The following VPS13D variants were observed in gnomAD, a reference collection of about 807,000 sequenced individuals.
VPS13D encodes the protein vacuolar protein sorting 13 homolog D.
In VPS13D, 187 loss-of-function variants were observed where a neutral mutation model predicts 461.9. That is an observed-to-expected ratio of 0.40 (90% CI 0.36 to 0.46). The LOEUF is 0.46. Among genes scored for constraint, VPS13D ranks in the 20% least tolerant of loss-of-function variants. The probability of loss-of-function intolerance (pLI) is 0.60; values close to 1 mark genes in which losing one functional copy is unlikely to be tolerated. For synonymous variants in VPS13D, 1,951 were observed against 1,986.3 expected, an observed-to-expected ratio of 0.98 and a Z score of 0.47; for missense variants, 4,711 against 5,364.9, an observed-to-expected ratio of 0.88 and a Z score of 3.81.
intron 6 of VPS13D, 175 bp downstream of exon 6, chr1:12,249,514 A>G (rs1640667054): frequency 2.1e-6 from 1 of 486,774 alleles, no homozygotes; most frequent in Admixed American, 4.0e-5. Flanking sequence ...TGAAATAGGG[A>G]AACAGGTAAT....
At chr1:12,355,805 TGG>T in intron 47 of VPS13D, 92 bp from the exon 48 acceptor site, 1 of 1,293,498 alleles carries the variant, frequency 7.7e-7, no homozygotes, top group Admixed American at 3.0e-5. Context: ...ACTTAGTTAT[TGG>T]TTTTTCCAAA....
intron 34 of VPS13D, among the ~76,000 whole-genome samples, chr1:12,323,339 G>A (rs895483481): frequency 6.6e-6 from 1 of 151,992 alleles, no homozygotes; most frequent in African/African-American, 2.4e-5. Context: ...GCCTCCCAAA[G>A]TATTGGGATT....
At chr1:12,503,363 T>A (rs923468367) in intron 68 of VPS13D, among the ~76,000 whole-genome samples, 2 of 151,822 alleles carry the variant, frequency 1.3e-5, no homozygotes, top group African/African-American at 4.8e-5. Context: ...TTTTTTTTTT[T>A]AATAGAGATG....
intron 9 of VPS13D, among the ~76,000 whole-genome samples, chr1:12,257,412 T>A (rs1310348073): frequency 6.6e-6 from 1 of 152,228 alleles, no homozygotes; most frequent in Non-Finnish European, 1.5e-5. Flanking sequence ...TGAACCTACT[T>A]CCCTGTGTTT....
chr1:12,400,643 G>C (rs1284812605), intron 61 of VPS13D, among the ~76,000 whole-genome samples: 1 of 152,078 alleles, frequency 6.6e-6, no homozygotes, highest in Non-Finnish European at 1.5e-5. Flanking sequence ...GCATGATCCA[G>C]ATCTATTATT....
chr1:12,483,763 GC>G (rs1645755671), intron 67 of VPS13D, among the ~76,000 whole-genome samples: 1 of 151,824 alleles, frequency 6.6e-6, no homozygotes, highest in Admixed American at 6.6e-5. Context: ...ACTTTGGGAG[GC>G]CGAGGTGGGC....
At chr1:12,389,962 G>A (rs1473862625) in intron 60 of VPS13D, among the ~76,000 whole-genome samples, 3 of 152,168 alleles carry the variant, frequency 2.0e-5, no homozygotes, top group Non-Finnish European at 4.4e-5. Flanking sequence ...GATAATCTGG[G>A]TCAGTCACCC....
In VPS13D at chr1:12,385,279, G is replaced by T. The variant is rs1021386570; in HGVS notation, c.11390G>T (p.Arg3797Leu). Residue 3797 changes from arginine (R) to leucine (L), a missense_variant, in exon 59 of 70, where the codon CGG becomes CTG. Arg to Leu is a moderately radical substitution (Grantham distance 102). This residue lies in a region of VPS13D where 4,411 missense variants were observed against 4,937.8 expected (regional missense o/e 0.89). Transcript: ENST00000620676. ...CTTCAGATAACAGATTTCTGCCACC[G>T]GAAAAGCAGCCGTTCATATGAAGTG... is the stretch of plus-strand genomic sequence containing the variant. ...RALQITDFCH[R>L]KSSRSYEVDE... 2 of 1,613,412 alleles carry T rather than the reference G, an allele frequency of 1.2e-6. No individual in the cohort carries two copies. The highest frequency in any genetic ancestry group is 2.2e-5 in the South Asian group (2 of 90,882).
chr1:12,252,197 C>T (rs1291745297), intron 6 of VPS13D, among the ~76,000 whole-genome samples: 3 of 152,112 alleles, frequency 2.0e-5, no homozygotes, highest in Non-Finnish European at 4.4e-5. Context: ...GTTACATACA[C>T]GCTTCTGTGT....
intron 36 of VPS13D, among the ~76,000 whole-genome samples, chr1:12,329,060 G>C (rs1643264139): frequency 6.6e-6 from 1 of 152,064 alleles, no homozygotes; most frequent in African/African-American, 2.4e-5. Flanking sequence ...AATTTTGACT[G>C]TTTTGATGAA....
intron 26 of VPS13D, among the ~76,000 whole-genome samples, chr1:12,305,815 G>T (rs1185816865): frequency 6.6e-6 from 1 of 152,164 alleles, no homozygotes. Context: ...TCCTAGAGGT[G>T]ACAGGAAAGT....
chr1:12,259,961 G>A (rs1292470129), intron 10 of VPS13D, among the ~76,000 whole-genome samples: 5 of 151,668 alleles, frequency 3.3e-5, no homozygotes, highest in East Asian at 1.9e-4. Flanking sequence ...CTTTGTAAAC[G>A]GGGTCAGTGC....
chr1:12,488,155 CCAGATA>C (rs1480865813), intron 67 of VPS13D, among the ~76,000 whole-genome samples: 1 of 152,158 alleles, frequency 6.6e-6, no homozygotes, highest in Non-Finnish European at 1.5e-5. Flanking sequence ...GGTGCTCCGT[CCAGATA>C]CAATTTTAAA....
At chr1:12,369,407 A>G (rs1644085976) in intron 53 of VPS13D, 60 bp from the exon 54 acceptor site, 3 of 1,507,030 alleles carry the variant, frequency 2.0e-6, no homozygotes, top group East Asian at 2.3e-5. Flanking sequence ...GCACTGACTC[A>G]CTTTTCAGTA....
chr1:12,327,752 C>T lies in VPS13D; in HGVS notation c.8095C>T (p.Pro2699Ser). The T allele has an allele frequency of 1.9e-6, 3 of 1,614,104 alleles. No individual in the cohort carries two copies. Among genetic ancestry groups the T allele is most frequent in the Non-Finnish European group, 2.5e-6 (3 of 1,180,018 alleles). ...AGATAGCCCAGGGGCTGTGGCAGCG[C>T]CATTGATCTCTGGCGTGGAGATCAA... ...SRDSPGAVAA[P>S]LISGVEIKAE... The change falls in exon 36 of 70, where the codon CCA becomes TCA. Residue 2699 changes from proline (P) to serine (S), a missense_variant. This residue lies in a region of VPS13D where 4,411 missense variants were observed against 4,937.8 expected (regional missense o/e 0.89). Transcript: ENST00000620676.
intron 60 of VPS13D, among the ~76,000 whole-genome samples, chr1:12,388,600 A>G (rs1644380428): frequency 6.6e-6 from 1 of 151,874 alleles, no homozygotes. Context: ...AAAAGAAATC[A>G]TAAAAAAATA....
chr1:12,310,917 C>CCCTCCCTCTCTCCT (rs1557701468), intron 27 of VPS13D, among the ~76,000 whole-genome samples: 5 of 111,710 alleles, frequency 4.5e-5, no homozygotes, highest in African/African-American at 9.0e-5. Flanking sequence ...CCTTCCCTCC[C>CCCTCCCTCTCTCCT]TCTCTCCCTC....
At chr1:12,486,644 C>T (rs192462359) in intron 67 of VPS13D, among the ~76,000 whole-genome samples, 2 of 152,344 alleles carry the variant, frequency 1.3e-5, no homozygotes, top group South Asian at 2.1e-4. Flanking sequence ...GTGTCCCCCC[C>T]ACGTTGGAAT....
Position 12,318,016 on chromosome 1 carries a change from T to C in VPS13D, c.7149-56T>C. 3 of 1,539,036 alleles carry C rather than the reference T, an allele frequency of 1.9e-6. No homozygotes were observed. In the East Asian group the frequency reaches 6.8e-5, roughly 35 times the overall value. ...AACTGAGCAGTACATTTGCAGGTTA[T>C]TGAAATAACCATGTTTCTTTTTTCC... On this transcript the variant is annotated intron_variant, in intron 30 of 69. Coordinates refer to ENST00000620676, the MANE Select transcript of VPS13D (RefSeq NM_015378.4).
Sources: gnomAD v4.1 joint callset for allele counts (sites outside exome capture counted in the v4.1 genomes callset) on GRCh38, gnomAD v4.1.1 for gene constraint, gnomAD v4.1.1 regional missense constraint, MANE v1.5 for transcripts, NCBI Gene and HGNC (gene_info 2026-07-23, HGNC 2026-07-21) for gene names.